Variants in ERGIC1 observed in about 807,000 individuals in gnomAD.
ERGIC1 encodes endoplasmic reticulum-golgi intermediate compartment 1, also known as endoplasmic reticulum-Golgi intermediate compartment protein 1.
In ERGIC1, 19 loss-of-function variants were observed where a neutral mutation model predicts 38.3. The ratio of observed to expected loss-of-function variants is 0.50; its 90% CI spans 0.35 to 0.73. The LOEUF (loss-of-function observed/expected upper bound fraction) is 0.73, where lower values mean the gene tolerates loss of function less well. Ranked by LOEUF, ERGIC1 falls within the 30% of genes least tolerant of loss-of-function variation. The probability of loss-of-function intolerance (pLI) is 0.01; values close to 1 mark genes in which losing one functional copy is unlikely to be tolerated. For missense variants in ERGIC1, 294 were observed against 389.2 expected (o/e 0.76, Z 2.06); for synonymous variants, 124 against 157.6 (o/e 0.79, Z 1.60).
At chr5:172,897,126 C>G (rs1333620998) in intron 3 of ERGIC1, 52 bp downstream of exon 3, 2 of 1,563,172 alleles carry the variant, frequency 1.3e-6, no homozygotes, top group South Asian at 1.1e-5. Flanking sequence ...GGACCCCAGA[C>G]AAGAAGAGGG....
rs1201993533 is a variant in ERGIC1 at position 172,847,800 on chromosome 5, A to G, written c.20+13367A>G. On this transcript the variant is annotated intron_variant, in intron 1 of 9. Coordinates refer to ENST00000393784, the MANE Select transcript of ERGIC1 (RefSeq NM_001031711.3). ...AGTGCTGGGATTACAGGCATGTGCC[A>G]CCACGCCCGGCCACATGTGTTATTT... 6.6e-5 allele frequency among the ~76,000 whole-genome samples: 10 copies of G among 152,254 alleles called. No homozygotes were observed. The East Asian group carries it at 1.9e-3, about 29-fold the overall frequency.
At position 172,929,153 on chromosome 5, in the gene ERGIC1, A is replaced by ATATG. The variant is rs377203066; in HGVS notation, c.541+2585_541+2586insATGT. Among the ~76,000 whole-genome samples, 301 of 150,070 alleles carry ATATG rather than the reference A, an allele frequency of 2.0e-3. 1 individual carries two copies. Among genetic ancestry groups the ATATG allele is most frequent in the African/African-American group, 7.0e-3 (283 of 40,662 alleles). On this transcript the variant is annotated intron_variant, in intron 7 of 9. Coordinates refer to ENST00000393784, the MANE Select transcript of ERGIC1 (RefSeq NM_001031711.3). ...ATAATATGGGCTGTCATATATATAT[A>ATATG]TGTGTGTGTGTGTGTGTGTATATAA...
At chr5:172,919,542 C>T (rs1307164631) in intron 5 of ERGIC1, among the ~76,000 whole-genome samples, 1 of 152,218 alleles carries the variant, frequency 6.6e-6, no homozygotes. Context: ...GTGAACTTGT[C>T]CTTTGGGGTC....
At chr5:172,859,730 C>G (rs900008089) in intron 1 of ERGIC1, among the ~76,000 whole-genome samples, 4 of 152,234 alleles carry the variant, frequency 2.6e-5, no homozygotes, top group African/African-American at 9.6e-5. Context: ...CTGCTATCCT[C>G]CGCAGGTGCC....
intron 2 of ERGIC1, among the ~76,000 whole-genome samples, chr5:172,890,345 C>A (rs1386239297): frequency 6.6e-6 from 1 of 152,068 alleles, no homozygotes; most frequent in Non-Finnish European, 1.5e-5. Context: ...GACTAAGGAC[C>A]CAGGATGAAA....
At chr5:172,881,715 C>T (rs1762289907) in intron 1 of ERGIC1, among the ~76,000 whole-genome samples, 1 of 152,234 alleles carries the variant, frequency 6.6e-6, no homozygotes. Context: ...TGCCGTGGCA[C>T]TTCATAGGTG....
chr5:172,928,325 G>C (rs546631378), intron 7 of ERGIC1, among the ~76,000 whole-genome samples: 1 of 152,300 alleles, frequency 6.6e-6, no homozygotes, highest in South Asian at 2.1e-4. Flanking sequence ...AGCTGGGGAA[G>C]GGCTGGCTTT....
chr5:172,856,933 C>G (rs1373877009), intron 1 of ERGIC1, among the ~76,000 whole-genome samples: 7 of 152,144 alleles, frequency 4.6e-5, no homozygotes, highest in Non-Finnish European at 1.0e-4. Context: ...ATACAAAATG[C>G]CTGAAGCATA....
chr5:172,902,861 A>G (rs1040488024), intron 3 of ERGIC1, among the ~76,000 whole-genome samples: 1 of 151,950 alleles, frequency 6.6e-6, no homozygotes, highest in African/African-American at 2.4e-5. Context: ...CAGGAATCTG[A>G]ACTATTTAAG....
chr5:172,920,206 C>G (rs1367827694), intron 5 of ERGIC1, among the ~76,000 whole-genome samples: 3 of 152,196 alleles, frequency 2.0e-5, no homozygotes. Context: ...CCCACCCCAG[C>G]CCAGCCACTT....
chr5:172,907,745 C>A (rs1763071730), intron 3 of ERGIC1, among the ~76,000 whole-genome samples: 1 of 152,128 alleles, frequency 6.6e-6, no homozygotes, highest in African/African-American at 2.4e-5. Flanking sequence ...CCCTTCTCCC[C>A]AAAGGTCAGT....
intron 1 of ERGIC1, among the ~76,000 whole-genome samples, chr5:172,849,417 G>A (rs192601086): frequency 6.6e-6 from 1 of 152,262 alleles, no homozygotes; most frequent in Admixed American, 6.5e-5. Flanking sequence ...CCCTGAATAA[G>A]GGTTCCCCCA....
rs544884186 is a variant in ERGIC1, at chr5:172,939,960, CTCTCTTTT to C, written c.765+4652_765+4659del. Among the ~76,000 whole-genome samples, 48 of 152,374 alleles carry C rather than the reference CTCTCTTTT, an allele frequency of 3.2e-4. No individual in the cohort carries two copies. The East Asian group carries it at 9.1e-3, about 29-fold the overall frequency. ...GAGGCACCTGCTGTGGCTTCTCTTTCTCTCTTTTTAAAAATCAAACACTTGCGTGCAAA... is the reference window on the plus strand; with the variant it reads ...GAGGCACCTGCTGTGGCTTCTCTTTCTAAAAATCAAACACTTGCGTGCAAA... On this transcript the variant is annotated intron_variant, in intron 9 of 9. Transcript: ENST00000393784.
chr5:172,946,080 G>A (rs1764115177), intron 9 of ERGIC1, among the ~76,000 whole-genome samples: 1 of 152,206 alleles, frequency 6.6e-6, no homozygotes, highest in Non-Finnish European at 1.5e-5. Context: ...TCCAAAGGCT[G>A]GGTGCTCTCT....
intron 1 of ERGIC1, among the ~76,000 whole-genome samples, chr5:172,845,320 A>G (rs932932926): frequency 2.0e-5 from 3 of 152,036 alleles, no homozygotes; most frequent in Admixed American, 6.6e-5. Context: ...ACCATTTCCT[A>G]CCAGCCTGTG....
intron 3 of ERGIC1, among the ~76,000 whole-genome samples, chr5:172,906,999 C>T (rs1044609953): frequency 2.0e-5 from 3 of 152,234 alleles, no homozygotes; most frequent in African/African-American, 7.2e-5. Flanking sequence ...AGAATGGGTC[C>T]AGGAAGAAAC....
In ERGIC1 at chr5:172,836,275, G is replaced by A. The variant is rs565849327; in HGVS notation, c.20+1842G>A. 8.5e-5 allele frequency among the ~76,000 whole-genome samples: 13 copies of A among 152,274 alleles called. No individual in the cohort carries two copies. In the East Asian group the frequency reaches 2.5e-3, roughly 29 times the overall value. ...GGCAGGTAAGGGAAGTAAGGAAAAT[G>A]GGTAAGGCCAGCTCTAGCCTTTGGC... On this transcript the variant is annotated intron_variant, in intron 1 of 9. Transcript: ENST00000393784.
intron 3 of ERGIC1, among the ~76,000 whole-genome samples, chr5:172,907,332 C>G (rs545511505): frequency 7.8e-4 from 119 of 152,258 alleles, no homozygotes; most frequent in African/African-American, 2.6e-3. Flanking sequence ...CCGAGGCAGG[C>G]AGATCACCTG....
In ERGIC1 at chr5:172,908,358, C is replaced by A. The variant is rs1287902287; in HGVS notation, c.156-1309C>A. On this transcript the variant is annotated intron_variant, in intron 3 of 9. Coordinates refer to ENST00000393784, the MANE Select transcript of ERGIC1 (RefSeq NM_001031711.3). ...GGGAGGGGGGAGGGGGGGGGTGGAT[C>A]ATGAGGTCAGGAGTTCGGGACCAGC... is the stretch of plus-strand genomic sequence containing the variant. Among the ~76,000 whole-genome samples, 9 of 57,098 alleles carry A rather than the reference C, an allele frequency of 1.6e-4. 1 individual carries two copies. Among genetic ancestry groups the A allele is most frequent in the African/African-American group, 6.2e-4 (9 of 14,572 alleles). The allele number at this position is 57,098 out of a possible 152,430, so 37.5% of individuals were successfully genotyped here. A position where few individuals can be genotyped will look rare whatever the true frequency, so the allele number is the denominator to read the frequency against.
Sources: allele counts gnomAD v4.1 joint callset (sites outside exome capture counted in the v4.1 genomes callset), GRCh38; gene constraint gnomAD v4.1.1; transcripts MANE v1.5; gene names NCBI Gene and HGNC (gene_info 2026-07-23, HGNC 2026-07-21).